GRIA1: variants seen among roughly 807,000 people sequenced by gnomAD.
GRIA1 encodes glutamate ionotropic receptor AMPA type subunit 1, also known as glutamate receptor 1.
GRIA1 carries 31 observed loss-of-function variants against 99.2 expected under a neutral mutation model. That is an observed-to-expected ratio of 0.31 (90% CI 0.23 to 0.42). The LOEUF (loss-of-function observed/expected upper bound fraction) is 0.42. Ranked by LOEUF, GRIA1 falls within the 10% of genes least tolerant of loss-of-function variation. The pLI is 1.00. For synonymous variants in GRIA1, 438 were observed against 432.4 expected, an observed-to-expected ratio of 1.01 and a Z score of -0.16; for missense variants, 782 against 1,157.5, an observed-to-expected ratio of 0.68 and a Z score of 4.71.
At chr5:153,678,966 AAC>A (rs1312311661) in intron 7 of GRIA1, among the ~76,000 whole-genome samples, 1 of 148,160 alleles carries the variant, frequency 6.7e-6, no homozygotes, top group Non-Finnish European at 1.5e-5. Context: ...TGAAAATTCA[AAC>A]AGTCTAATTT....
At chr5:153,517,485 A>T (rs1233076137) in intron 2 of GRIA1, among the ~76,000 whole-genome samples, 2 of 152,206 alleles carry the variant, frequency 1.3e-5, no homozygotes, top group African/African-American at 4.8e-5. Context: ...CTGGGCCCTC[A>T]GAAAGGGAGG....
intron 7 of GRIA1, among the ~76,000 whole-genome samples, chr5:153,684,643 A>C (rs758424147): frequency 2.0e-5 from 3 of 152,210 alleles, no homozygotes; most frequent in Non-Finnish European, 2.9e-5. Context: ...CCAAACTAAC[A>C]CTATCTTGAA....
chr5:153,493,568 G>A (rs1488969389), intron 1 of GRIA1, among the ~76,000 whole-genome samples: 2 of 152,112 alleles, frequency 1.3e-5, no homozygotes, highest in East Asian at 1.9e-4. Context: ...AGAGGGTGAG[G>A]GGGCTTATGT....
At chr5:153,770,045 T>C in intron 12 of GRIA1, 123 bp from the exon 13 acceptor site, 1 of 963,252 alleles carries the variant, frequency 1.0e-6, no homozygotes, top group East Asian at 2.4e-5. Context: ...TCATAATTTG[T>C]TTCTTCCTGA....
At chr5:153,652,072 G>A (rs927102418) in intron 4 of GRIA1, among the ~76,000 whole-genome samples, 74 of 152,252 alleles carry the variant, frequency 4.9e-4, no homozygotes, top group African/African-American at 1.7e-3. Context: ...AACAGAGTCT[G>A]CCCCACAGTA....
intron 2 of GRIA1, among the ~76,000 whole-genome samples, chr5:153,606,059 G>A (rs1040167954): frequency 7.9e-5 from 12 of 151,956 alleles, no homozygotes; most frequent in Non-Finnish European, 1.5e-5. Context: ...ATTAACTTTT[G>A]GTGGCCTTAT....
intron 2 of GRIA1, among the ~76,000 whole-genome samples, chr5:153,586,379 T>G (rs1488754283): frequency 6.6e-6 from 1 of 152,212 alleles, no homozygotes; most frequent in Non-Finnish European, 1.5e-5. Context: ...ATTATCCTCA[T>G]TCACCGAGTA....
intron 2 of GRIA1, among the ~76,000 whole-genome samples, chr5:153,497,135 A>G (rs1042287671): frequency 6.6e-6 from 1 of 152,166 alleles, no homozygotes; most frequent in Non-Finnish European, 1.5e-5. Flanking sequence ...CTTCGTGTTC[A>G]ATCTTTCTTG....
rs1173549625 is a variant in GRIA1, at chr5:153,613,487, T to G, written c.221-33441T>G. On this transcript the variant is annotated intron_variant, in intron 2 of 15. Transcript: ENST00000285900. Reference sequence around the variant, plus strand: ...AATAGGTACTGGGTCTGTATCTGAGTTGAATATTCAACATTTTATTTCCAG... The same window carrying G: ...AATAGGTACTGGGTCTGTATCTGAGGTGAATATTCAACATTTTATTTCCAG... Among the ~76,000 whole-genome samples, 3 of 152,124 alleles carry G rather than the reference T, an allele frequency of 2.0e-5. No homozygotes were observed. The East Asian group carries it at 5.8e-4, about 29-fold the overall frequency.
At chr5:153,536,465 C>A (rs932077622) in intron 2 of GRIA1, among the ~76,000 whole-genome samples, 1 of 152,098 alleles carries the variant, frequency 6.6e-6, no homozygotes, top group East Asian at 1.9e-4. Context: ...GGGGAAAGGG[C>A]CTTATTGTGC....
At chr5:153,758,787 C>T (rs961332806) in intron 11 of GRIA1, among the ~76,000 whole-genome samples, 1 of 151,890 alleles carries the variant, frequency 6.6e-6, no homozygotes, top group Non-Finnish European at 1.5e-5. Context: ...GAACATAGAA[C>T]AGTCTACAGC....
At chr5:153,578,169 A>G (rs1439750814) in intron 2 of GRIA1, among the ~76,000 whole-genome samples, 1 of 120,984 alleles carries the variant, frequency 8.3e-6, no homozygotes, top group African/African-American at 2.8e-5. Flanking sequence ...AAAAAAAAAA[A>G]AAAAGAAAGA....
chr5:153,773,219 G>GT lies in GRIA1; in HGVS notation c.2270+2805dup, dbSNP rs199927191. ...TCCATTTTACAGATGAGGAAACAGA[G>GT]TAAGAGTTAAGTTGCCTGATCAGGT... On this transcript the variant is annotated intron_variant, in intron 13 of 15. Transcript: ENST00000285900. Among the ~76,000 whole-genome samples, 1,284 of 152,344 alleles carry GT rather than the reference G, an allele frequency of 8.4e-3. 7 individuals carry two copies. The highest frequency in any genetic ancestry group is 0.014 in the South Asian group (66 of 4,832).
At chr5:153,596,237 T>G (rs967566332) in intron 2 of GRIA1, among the ~76,000 whole-genome samples, 16 of 152,248 alleles carry the variant, frequency 1.1e-4, no homozygotes, top group Admixed American at 9.8e-4. Context: ...CTATTCTTTT[T>G]GGAATGTTTA....
At chr5:153,493,806 A>G (rs1371873263) in intron 1 of GRIA1, 122 bp from the exon 2 acceptor site, 1 of 951,576 alleles carries the variant, frequency 1.1e-6, no homozygotes, top group Non-Finnish European at 1.6e-6. Flanking sequence ...CATCTCTACC[A>G]CTCAAGGCTA....
At chr5:153,652,323 G>A (rs979077985) in intron 4 of GRIA1, among the ~76,000 whole-genome samples, 1 of 152,168 alleles carries the variant, frequency 6.6e-6, no homozygotes, top group Non-Finnish European at 1.5e-5. Context: ...ACAGACAGTA[G>A]CTATTACTAC....
In GRIA1 at chr5:153,806,935, C is replaced by T. The variant is rs371281470; in HGVS notation, c.2521-4090C>T. ...GAACTCCAACATGGTCTCCACAAAGCCTGGGCTTTTGGTACTAGCCAAGCC... is the reference window on the plus strand; with the variant it reads ...GAACTCCAACATGGTCTCCACAAAGTCTGGGCTTTTGGTACTAGCCAAGCC... On this transcript the variant is annotated intron_variant, in intron 15 of 15. Transcript: ENST00000285900. Among the ~76,000 whole-genome samples the T allele has an allele frequency of 3.9e-5, 6 of 152,334 alleles. No individual in the cohort carries two copies. In the East Asian group the frequency reaches 5.8e-4, roughly 15 times the overall value.
At chr5:153,578,679 C>A (rs562957495) in intron 2 of GRIA1, among the ~76,000 whole-genome samples, 2 of 152,258 alleles carry the variant, frequency 1.3e-5, no homozygotes, top group East Asian at 3.9e-4. Flanking sequence ...GAGCCCAAGG[C>A]GGGTGGATCA....
chr5:153,492,351 T>C lies in GRIA1; in HGVS notation c.82+1381T>C, dbSNP rs979163208. The C allele has an allele frequency of 8.7e-6, 13 of 1,497,402 alleles. No individual in the cohort carries two copies. The African/African-American group carries it at 1.8e-4, about 21-fold the overall frequency. 92.8% of individuals were successfully genotyped at this position (1,497,402 alleles called of 1,614,324 possible). A position where few individuals can be genotyped will look rare whatever the true frequency, so the allele number is the denominator to read the frequency against. ...TTAGTGCCTAACACGCAAAACTTCC[T>C]GCCTTCAGGGGAGACACTTCCCTTG... On this transcript the variant is annotated intron_variant, in intron 1 of 15. Coordinates refer to ENST00000285900, the MANE Select transcript of GRIA1 (RefSeq NM_000827.4).
Sources: allele counts gnomAD v4.1 joint callset (sites outside exome capture counted in the v4.1 genomes callset), GRCh38; gene constraint gnomAD v4.1.1; transcripts MANE v1.5; gene names NCBI Gene and HGNC (gene_info 2026-07-23, HGNC 2026-07-21).